The following NRG4 variants were observed in gnomAD, a reference collection of about 807,000 sequenced individuals.
NRG4 encodes neuregulin 4.
A neutral mutation model predicts 15.0 loss-of-function variants in NRG4; 10 were observed. The ratio of observed to expected loss-of-function variants is 0.67; its 90% confidence interval spans 0.41 to 1.13. The LOEUF (loss-of-function observed/expected upper bound fraction) is 1.13. NRG4 is among the 50% of genes most tolerant of loss of function. NRG4 has a pLI of 0.00. For synonymous variants in NRG4, 41 were observed against 50.1 expected (o/e 0.82, Z 0.77); for missense variants, 139 against 140.2 (o/e 0.99, Z 0.04).
intron 3 of NRG4, among the ~76,000 whole-genome samples, chr15:75,988,853 CTTTTTTTTT>C (rs71444946): frequency 9.1e-6 from 1 of 109,650 alleles, no homozygotes; most frequent in Non-Finnish European, 1.9e-5. Flanking sequence ...CTGCACCTTC[CTTTTTTTTT>C]TTTTTTTTTT....
rs1342151797 is a variant in NRG4 at position 75,972,138 on chromosome 15, CAT to C, written c.105-10166_105-10165del. 9.2e-5 allele frequency among the ~76,000 whole-genome samples: 14 copies of C among 152,182 alleles called. No homozygotes were observed. The East Asian group carries it at 1.7e-3, about 19-fold the overall frequency. Reference sequence around the variant, plus strand: ...TGACCAGTGATGATGAGCCTTTTTTCATATGTTTGTTGGCCACATAAATGTCT... The same window carrying C: ...TGACCAGTGATGATGAGCCTTTTTTCATGTTTGTTGGCCACATAAATGTCT... On this transcript the variant is annotated intron_variant, in intron 3 of 5. Coordinates refer to ENST00000394907, the MANE Select transcript of NRG4 (RefSeq NM_138573.4).
upstream of NRG4, among the ~76,000 whole-genome samples, chr15:76,017,293 A>G (rs2035011237): frequency 6.6e-6 from 1 of 150,696 alleles, no homozygotes; most frequent in South Asian, 2.1e-4. Flanking sequence ...ATCTTTATCC[A>G]GTTTGCCAGT....
chr15:76,024,146 A>C (rs192080533), intron 5 of NRG4, among the ~76,000 whole-genome samples: 1 of 152,340 alleles, frequency 6.6e-6, no homozygotes, highest in East Asian at 1.9e-4. Flanking sequence ...AGCTGCCAAC[A>C]TGTAAGTCTT....
chr15:75,951,892 C>T (rs2031924087), intron 5 of NRG4, among the ~76,000 whole-genome samples: 1 of 152,148 alleles, frequency 6.6e-6, no homozygotes, highest in African/African-American at 2.4e-5. Context: ...GTTGTCATTT[C>T]TGGTGCTCTT....
At chr15:76,040,169 A>G (rs1375762884) in intron 4 of NRG4, among the ~76,000 whole-genome samples, 1 of 152,254 alleles carries the variant, frequency 6.6e-6, no homozygotes, top group Non-Finnish European at 1.5e-5. Context: ...AAAAGCAGCA[A>G]GAGAAAAGAA....
At chr15:76,018,975 A>T (rs536846564) in intron 5 of NRG4, among the ~76,000 whole-genome samples, 1 of 150,686 alleles carries the variant, frequency 6.6e-6, no homozygotes. Flanking sequence ...TGGGGGTTTT[A>T]TCCATAACCC....
At chr15:76,048,446 T>C (rs1416692479) in intron 4 of NRG4, among the ~76,000 whole-genome samples, 1 of 120,398 alleles carries the variant, frequency 8.3e-6, no homozygotes, top group Admixed American at 9.7e-5. Flanking sequence ...TACTCCAGCC[T>C]GGGCAACAAA....
chr15:76,034,357 C>T (rs1171709827), intron 5 of NRG4, among the ~76,000 whole-genome samples: 1 of 152,212 alleles, frequency 6.6e-6, no homozygotes, highest in African/African-American at 2.4e-5. Flanking sequence ...ACAGCAGATT[C>T]CTTGGCAGGC....
intron 3 of NRG4, among the ~76,000 whole-genome samples, chr15:75,983,379 C>T (rs988501562): frequency 1.4e-4 from 21 of 152,018 alleles, no homozygotes; most frequent in African/African-American, 5.1e-4. Flanking sequence ...TCCATCCCAG[C>T]CAAAAATTAG....
chr15:76,018,112 C>G (rs1373790207), intron 5 of NRG4, among the ~76,000 whole-genome samples: 1 of 152,038 alleles, frequency 6.6e-6, no homozygotes, highest in African/African-American at 2.4e-5. Flanking sequence ...TCCACTTGAT[C>G]GATTTGGCTA....
intron 5 of NRG4, among the ~76,000 whole-genome samples, chr15:76,019,594 G>C (rs763353032): frequency 6.6e-6 from 1 of 152,186 alleles, no homozygotes; most frequent in Non-Finnish European, 1.5e-5. Flanking sequence ...CTTGGCTAGG[G>C]GGGTAGTTCC....
At chr15:75,957,935 A>G (rs1272232648) in intron 4 of NRG4, among the ~76,000 whole-genome samples, 2 of 152,200 alleles carry the variant, frequency 1.3e-5, no homozygotes, top group Non-Finnish European at 2.9e-5. Context: ...TTTAAAAATT[A>G]TATTTGATTC....
intron 5 of NRG4, among the ~76,000 whole-genome samples, chr15:75,945,036 G>A (rs2141765064): frequency 6.6e-6 from 1 of 151,064 alleles, no homozygotes; most frequent in East Asian, 1.9e-4. Flanking sequence ...TCCTTACCAT[G>A]TCACTGAACA....
At chr15:76,020,780 G>A (rs12440225) in intron 5 of NRG4, among the ~76,000 whole-genome samples, 71,203 of 152,154 alleles carry the variant, frequency 0.47, 17,307 homozygotes, top group South Asian at 0.7. Flanking sequence ...TATGAAGGCC[G>A]AGAGAGGTAA....
At chr15:76,042,395 C>T (rs2035764713) in intron 4 of NRG4, among the ~76,000 whole-genome samples, 1 of 150,768 alleles carries the variant, frequency 6.6e-6, no homozygotes, top group Non-Finnish European at 1.5e-5. Context: ...AAAAGATAAA[C>T]AAAATTGATA....
intron 3 of NRG4, among the ~76,000 whole-genome samples, chr15:75,976,160 C>T (rs1161428104): frequency 6.6e-6 from 1 of 152,114 alleles, no homozygotes; most frequent in African/African-American, 2.4e-5. Context: ...TTACGAAATT[C>T]TCGTGCTATG....
At chr15:75,963,777 CA>C (rs71140188) in intron 3 of NRG4, among the ~76,000 whole-genome samples, 1,281 of 102,984 alleles carry the variant, frequency 0.012, 9 homozygotes, top group African/African-American at 0.035. Context: ...GACTCCATCT[CA>C]AAAAAAAAAA....
At chr15:75,993,884 C>T (rs1190532145) in intron 3 of NRG4, among the ~76,000 whole-genome samples, 1 of 152,108 alleles carries the variant, frequency 6.6e-6, no homozygotes, top group African/African-American at 2.4e-5. Context: ...GCTGGGGTTT[C>T]CCATTTACTC....
intron 3 of NRG4, among the ~76,000 whole-genome samples, chr15:75,983,118 A>G (rs2033664626): frequency 6.6e-6 from 1 of 152,228 alleles, no homozygotes; most frequent in Non-Finnish European, 1.5e-5. Context: ...AAATGTTCTC[A>G]AGAGAAAGAA....
Sources: allele counts gnomAD v4.1 joint callset (sites outside exome capture counted in the v4.1 genomes callset), GRCh38; gene constraint gnomAD v4.1.1; transcripts MANE v1.5; gene names NCBI Gene and HGNC (gene_info 2026-07-23, HGNC 2026-07-21).